The following MTMR7 variants were observed in gnomAD, a reference collection of about 807,000 sequenced individuals.
MTMR7 encodes myotubularin related protein 7, also known as phosphatidylinositol-3-phosphate phosphatase MTMR7.
A neutral mutation model predicts 81.2 loss-of-function variants in MTMR7; 76 were observed. The ratio of observed to expected loss-of-function variants is 0.94; its 90% CI spans 0.78 to 1.13. The LOEUF (loss-of-function observed/expected upper bound fraction) is 1.13, where lower values mean the gene tolerates loss of function less well. Among genes scored for constraint, MTMR7 ranks in the 50% most tolerant of loss-of-function variants. MTMR7 has a pLI of 0.00. For missense variants in MTMR7, 1,044 were observed against 820.0 expected (o/e 1.27, Z -3.34); for synonymous variants, 372 against 289.8 (o/e 1.28, Z -2.88).
At chr8:17,338,196 G>A (rs1425357082) in intron 6 of MTMR7, among the ~76,000 whole-genome samples, 1 of 152,224 alleles carries the variant, frequency 6.6e-6, no homozygotes, top group Non-Finnish European at 1.5e-5. Flanking sequence ...CGAAACCCCA[G>A]TTTTCTTTAA....
Position 17,366,379 on chromosome 8 carries a change from A to C in MTMR7, c.310+4658T>G, listed in dbSNP as rs557113026. 1.5e-3 allele frequency among the ~76,000 whole-genome samples: 224 copies of C among 152,314 alleles called. 2 individuals are homozygous for C. The highest frequency in any genetic ancestry group is 8.1e-3 in the South Asian group (39 of 4,814). On this transcript the variant is annotated intron_variant, in intron 3 of 13. Transcript: ENST00000180173. Reference sequence around the variant, plus strand: ...TACAGACTAACTGGGAGAAGCAATAAATAATGTAATATTAAAATCAAAAGT... The same window carrying C: ...TACAGACTAACTGGGAGAAGCAATACATAATGTAATATTAAAATCAAAAGT...
At chr8:17,373,281 G>A (rs768271765) in intron 1 of MTMR7, 41 bp from the exon 2 acceptor site, 3 of 1,574,266 alleles carry the variant, frequency 1.9e-6, no homozygotes, top group South Asian at 2.3e-5. Flanking sequence ...CCGTAAAGCA[G>A]AAGAGCAATT....
Position 17,361,175 on chromosome 8 carries a change from G to C in MTMR7, c.410C>G (p.Thr137Arg), listed in dbSNP as rs374185031. 1 of 1,614,112 alleles carries C rather than the reference G, an allele frequency of 6.2e-7. No individual in the cohort carries two copies. The change falls in exon 4 of 14, where the codon ACG becomes AGG. Residue 137 changes from threonine (T) to arginine (R), a missense_variant. Physicochemically the swap from Thr to Arg is moderately conservative, Grantham distance 71 (BLOSUM62 -1). Transcript: ENST00000180173. ...GTAATGATTAGGGAGGCCCATCCGC[G>C]TGTATTCTTCACTAAGATCGATCAG... Reference protein sequence around the residue: ...WVLIDLSEEYTRMGLPNHYWQ... With the variant: ...WVLIDLSEEYRRMGLPNHYWQ...
chr8:17,374,681 C>A (rs1356752592), intron 1 of MTMR7, among the ~76,000 whole-genome samples: 1 of 151,902 alleles, frequency 6.6e-6, no homozygotes, highest in Non-Finnish European at 1.5e-5. Context: ...GGGGTGGTAG[C>A]AGGTGCCTGC....
At chr8:17,400,159 T>C (rs1269488853) in intron 1 of MTMR7, among the ~76,000 whole-genome samples, 2 of 152,164 alleles carry the variant, frequency 1.3e-5, no homozygotes, top group Non-Finnish European at 2.9e-5. Flanking sequence ...TTGCAATTAT[T>C]TATAACAAGA....
At chr8:17,332,071 C>T (rs1420766010) in intron 6 of MTMR7, among the ~76,000 whole-genome samples, 1 of 152,154 alleles carries the variant, frequency 6.6e-6, no homozygotes, top group East Asian at 1.9e-4. Context: ...GGAAATGCAT[C>T]GGTTTCTAGA....
chr8:17,404,290 A>G (rs986952996), intron 1 of MTMR7, among the ~76,000 whole-genome samples: 7 of 152,168 alleles, frequency 4.6e-5, no homozygotes, highest in Non-Finnish European at 7.3e-5. Context: ...GATAACTCCA[A>G]AGTTATTGGC....
At chr8:17,323,349 A>T (rs184539456) in intron 7 of MTMR7, among the ~76,000 whole-genome samples, 82 of 152,202 alleles carry the variant, frequency 5.4e-4, no homozygotes, top group African/African-American at 1.9e-3. Flanking sequence ...CACTTTCCAT[A>T]TTATTTTCAC....
chr8:17,319,036 G>T (rs1470830806), intron 7 of MTMR7, among the ~76,000 whole-genome samples: 1 of 152,366 alleles, frequency 6.6e-6, no homozygotes, highest in East Asian at 1.9e-4. Flanking sequence ...CCATCTTGGG[G>T]AAATAGGAGG....
intron 1 of MTMR7, among the ~76,000 whole-genome samples, chr8:17,383,889 G>A (rs1820841816): frequency 6.6e-6 from 1 of 152,000 alleles, no homozygotes; most frequent in Admixed American, 6.6e-5. Flanking sequence ...AACCATGCAG[G>A]AACCAAGCCC....
At chr8:17,396,737 C>T (rs35454954) in intron 1 of MTMR7, among the ~76,000 whole-genome samples, 32,181 of 151,782 alleles carry the variant, frequency 0.21, 4,322 homozygotes, top group Non-Finnish European at 0.3. Flanking sequence ...CCTAGGGAGA[C>T]ACAAGCTGGG....
chr8:17,349,412 G>C (rs1275533935), intron 4 of MTMR7: 1 of 200,216 alleles, frequency 5.0e-6, no homozygotes, highest in African/African-American at 2.3e-5. Flanking sequence ...CACCCTGGCT[G>C]AGAAAATCTG....
intron 3 of MTMR7, among the ~76,000 whole-genome samples, chr8:17,366,887 A>AAGAAAAAAAAACAAAC (rs1820242682): frequency 6.8e-6 from 1 of 146,038 alleles, no homozygotes; most frequent in Non-Finnish European, 1.5e-5. Flanking sequence ...CTCCATCTCA[A>AAGAAAAAAAAACAAAC]AAAAAAAAAA....
intron 3 of MTMR7, among the ~76,000 whole-genome samples, chr8:17,361,678 C>G (rs981609353): frequency 6.6e-6 from 1 of 152,086 alleles, no homozygotes; most frequent in Non-Finnish European, 1.5e-5. Flanking sequence ...GGGATGGCCT[C>G]TCAGAGGCAG....
intron 1 of MTMR7, among the ~76,000 whole-genome samples, chr8:17,389,987 C>T (rs1389904329): frequency 1.3e-5 from 2 of 150,264 alleles, no homozygotes; most frequent in Non-Finnish European, 2.9e-5. Flanking sequence ...GCTGGGGGCA[C>T]ATGAATTGGG....
chr8:17,316,176 C>G (rs532784464), intron 7 of MTMR7, among the ~76,000 whole-genome samples: 3 of 152,168 alleles, frequency 2.0e-5, no homozygotes, highest in African/African-American at 7.2e-5. Flanking sequence ...CTTCAGTTTC[C>G]TCAACTGTAA....
chr8:17,366,332 A>C (rs1484997120), intron 3 of MTMR7, among the ~76,000 whole-genome samples: 1 of 152,198 alleles, frequency 6.6e-6, no homozygotes, highest in Admixed American at 6.5e-5. Context: ...TAGGATAAAT[A>C]TATGGAGTAA....
intron 1 of MTMR7, among the ~76,000 whole-genome samples, chr8:17,392,543 CA>C (rs1417197267): frequency 6.6e-6 from 1 of 152,190 alleles, no homozygotes; most frequent in Non-Finnish European, 1.5e-5. Context: ...ACTTTCATTC[CA>C]AAAAGACTCT....
chr8:17,333,761 A>AGTCCCAC (rs1819129769), intron 6 of MTMR7, among the ~76,000 whole-genome samples: 1 of 152,130 alleles, frequency 6.6e-6, no homozygotes, highest in Admixed American at 6.6e-5. Context: ...AGGTGGGAGG[A>AGTCCCAC]CTGCTTGAGC....
Sources: allele counts gnomAD v4.1 joint callset (sites outside exome capture counted in the v4.1 genomes callset), GRCh38; gene constraint gnomAD v4.1.1; transcripts MANE v1.5; gene names NCBI Gene and HGNC (gene_info 2026-07-23, HGNC 2026-07-21).